The following LMO7 variants were observed in gnomAD, a reference collection of about 807,000 sequenced individuals.
LMO7 encodes LIM domain 7.
A neutral mutation model predicts 206.5 loss-of-function variants in LMO7; 120 were observed. The ratio of observed to expected loss-of-function variants is 0.58; its 90% CI spans 0.50 to 0.68. The LOEUF (loss-of-function observed/expected upper bound fraction) is 0.68, where lower values mean the gene tolerates loss of function less well. LMO7 is among the 30% of genes least tolerant of loss of function. LMO7 has a pLI of 0.00. For synonymous variants in LMO7, 706 were observed against 681.5 expected (o/e 1.04, Z -0.56); for missense variants, 1,959 against 1,957.9 (o/e 1.00, Z -0.01).
chr13:75,624,661 T>C (rs2033794546), intron 2 of LMO7, among the ~76,000 whole-genome samples: 2 of 152,194 alleles, frequency 1.3e-5, no homozygotes, highest in South Asian at 4.1e-4. Context: ...AGGTGAAAGA[T>C]GTGTCTCACA....
chr13:75,741,814 T>C (rs968297870), intron 3 of LMO7, among the ~76,000 whole-genome samples: 1 of 152,044 alleles, frequency 6.6e-6, no homozygotes, highest in African/African-American at 2.4e-5. Flanking sequence ...CCCTTGAAAA[T>C]TGATACAAGA....
chr13:75,789,791 C>T (rs1235740937), intron 4 of LMO7, among the ~76,000 whole-genome samples: 1 of 152,192 alleles, frequency 6.6e-6, no homozygotes, highest in East Asian at 1.9e-4. Context: ...ATTTTTGATG[C>T]AGCCCTAGCC....
intron 3 of LMO7, among the ~76,000 whole-genome samples, chr13:75,756,954 T>C (rs1241916843): frequency 6.6e-6 from 1 of 152,090 alleles, no homozygotes; most frequent in Non-Finnish European, 1.5e-5. Flanking sequence ...TAGTAGACAG[T>C]CCCCCAGAAA....
intron 1 of LMO7, among the ~76,000 whole-genome samples, chr13:75,650,264 G>C (rs2037427260): frequency 6.6e-6 from 1 of 152,052 alleles, no homozygotes; most frequent in Non-Finnish European, 1.5e-5. Context: ...TGAGTAGCTG[G>C]GACTACAGGT....
chr13:75,856,740 G>C (rs1354856220), intron 30 of LMO7, 132 bp downstream of exon 30: 2 of 646,208 alleles, frequency 3.1e-6, no homozygotes, highest in Non-Finnish European at 5.7e-6. Flanking sequence ...AAGAATTGTA[G>C]TGTGTTCCCT....
In LMO7 at chr13:75,637,339, TAGGA is replaced by T. The variant is rs200893291; in HGVS notation, c.69+614_69+617del. Reference sequence around the variant, plus strand: ...TTCGGCTTTGATGAGACTGAGATCCTAGGATCATTCGCTGAAGAGCTGTTACCCT... The same window carrying T: ...TTCGGCTTTGATGAGACTGAGATCCTTCATTCGCTGAAGAGCTGTTACCCT... On this transcript the variant is annotated intron_variant, in intron 1 of 30. Coordinates refer to ENST00000377534, the MANE Select transcript of LMO7 (RefSeq NM_001306080.2). Among the ~76,000 whole-genome samples, 974 of 152,226 alleles carry T rather than the reference TAGGA, an allele frequency of 6.4e-3. 6 individuals are homozygous for T. The highest frequency in any genetic ancestry group is 0.017 in the Middle Eastern group (5 of 294).
intron 2 of LMO7, among the ~76,000 whole-genome samples, chr13:75,718,300 G>T (rs2043724086): frequency 6.6e-6 from 1 of 152,142 alleles, no homozygotes; most frequent in African/African-American, 2.4e-5. Flanking sequence ...TTTTGCAGAA[G>T]GTTTTTAATA....
intron 1 of LMO7, among the ~76,000 whole-genome samples, chr13:75,702,677 A>G (rs970202568): frequency 1.3e-5 from 2 of 152,236 alleles, no homozygotes; most frequent in Admixed American, 6.5e-5. Flanking sequence ...TGCCATTTTG[A>G]CTACAATTTC....
chr13:75,809,255 G>T, intron 11 of LMO7, 72 bp downstream of exon 11: 3 of 1,330,394 alleles, frequency 2.3e-6, no homozygotes, highest in East Asian at 2.3e-5. Flanking sequence ...TGTATTTCTG[G>T]CATGGCATGT....
intron 4 of LMO7, 125 bp from the exon 5 acceptor site, chr13:75,795,276 G>T: frequency 1.5e-6 from 1 of 658,236 alleles, no homozygotes. Flanking sequence ...AGCTCTAAGA[G>T]ATTTGGACTT....
chr13:75,733,248 G>C (rs1325302620), intron 3 of LMO7, among the ~76,000 whole-genome samples: 4 of 152,380 alleles, frequency 2.6e-5, no homozygotes, highest in African/African-American at 9.6e-5. Flanking sequence ...ACAGAGGCAG[G>C]CAGGCCTTCT....
At chr13:75,719,308 G>A (rs929397451) in intron 2 of LMO7, among the ~76,000 whole-genome samples, 10 of 152,040 alleles carry the variant, frequency 6.6e-5, no homozygotes, top group African/African-American at 1.7e-4. Flanking sequence ...GCTGAATAAC[G>A]TTCTACTGTC....
At chr13:75,704,215 G>A (rs763124810) in intron 1 of LMO7, among the ~76,000 whole-genome samples, 1 of 152,160 alleles carries the variant, frequency 6.6e-6, no homozygotes, top group South Asian at 2.1e-4. Context: ...GTCATGATAC[G>A]TGAACACTTA....
chr13:75,679,687 C>G (rs1046559687), intron 1 of LMO7, among the ~76,000 whole-genome samples: 3 of 152,168 alleles, frequency 2.0e-5, no homozygotes, highest in African/African-American at 7.2e-5. Flanking sequence ...CTTAAGTGAT[C>G]CTCCTGCCTC....
intron 4 of LMO7, among the ~76,000 whole-genome samples, chr13:75,768,624 C>CACATT (rs932874403): frequency 6.6e-6 from 1 of 151,980 alleles, no homozygotes; most frequent in African/African-American, 2.4e-5. Flanking sequence ...CCCAAAGCTT[C>CACATT]ACATTGTTTG....
At position 75,841,991 on chromosome 13, in the gene LMO7, C is replaced by A; in HGVS notation, c.4031+8C>A. On this transcript the variant is annotated splice_region_variant and intron_variant, in intron 24 of 30. Transcript: ENST00000377534. ...AATATACCAGTACAGGAGGTATGTC[C>A]CCACAGCCAGAGGGTACAAAGGCTT... The A allele has an allele frequency of 6.3e-7, 1 of 1,596,568 alleles. No individual in the cohort carries two copies. Among genetic ancestry groups the A allele is most frequent in the Non-Finnish European group, 8.6e-7 (1 of 1,168,436 alleles).
intron 1 of LMO7, among the ~76,000 whole-genome samples, chr13:75,708,450 T>C (rs934352689): frequency 2.0e-5 from 3 of 152,216 alleles, no homozygotes; most frequent in Non-Finnish European, 2.9e-5. Context: ...GAATCTATAT[T>C]GATTTGGGAA....
At chr13:75,752,728 C>T (rs187225081) in intron 3 of LMO7, among the ~76,000 whole-genome samples, 4 of 152,292 alleles carry the variant, frequency 2.6e-5, no homozygotes, top group Admixed American at 2.6e-4. Flanking sequence ...AGATAATGGC[C>T]TCCAGTTCCA....
At chr13:75,847,190 G>A (rs952263162) in intron 26 of LMO7, among the ~76,000 whole-genome samples, 1 of 152,162 alleles carries the variant, frequency 6.6e-6, no homozygotes, top group Non-Finnish European at 1.5e-5. Flanking sequence ...AATTTTGAAA[G>A]AATGGCAGTA....
Sources: allele counts gnomAD v4.1 joint callset (sites outside exome capture counted in the v4.1 genomes callset), GRCh38; gene constraint gnomAD v4.1.1; transcripts MANE v1.5; gene names NCBI Gene and HGNC (gene_info 2026-07-23, HGNC 2026-07-21).